ACBD6: variants seen among roughly 807,000 people sequenced by gnomAD.
ACBD6 encodes acyl-CoA binding domain containing 6.
Under a neutral mutation model 37.2 loss-of-function variants are expected in ACBD6, and 28 were observed. The ratio of observed to expected loss-of-function variants is 0.75; its 90% CI spans 0.56 to 1.03. The LOEUF (loss-of-function observed/expected upper bound fraction) is 1.03. Ranked by LOEUF, ACBD6 falls within the 50% of genes least tolerant of loss-of-function variation. The probability of loss-of-function intolerance (pLI) is 0.00; values close to 1 mark genes in which losing one functional copy is unlikely to be tolerated. For missense variants in ACBD6, 340 were observed against 337.4 expected (o/e 1.01, Z -0.06); for synonymous variants, 113 against 126.8 (o/e 0.89, Z 0.73).
chr1:180,286,874 G>GA (rs1278028856), downstream of ACBD6: 23 of 152,250 alleles, frequency 1.5e-4, no homozygotes, highest in Admixed American at 5.2e-4. Context: ...TCATGCTAAT[G>GA]AAAATCTTCT....
chr1:180,502,273 T>C lies in ACBD6; in HGVS notation c.-7A>G, dbSNP rs757866475. The C allele has an allele frequency of 5.0e-6, 8 of 1,612,188 alleles. No individual in the cohort carries two copies. The highest frequency in any genetic ancestry group is 2.5e-6 in the Non-Finnish European group (3 of 1,179,956). ...GCAGGAATGATGAAGCCATGTCTCC[T>C]TGCTCGCTCCGTCCCTCTGTGTCCG... On this transcript the variant is annotated 5_prime_UTR_variant, in exon 1 of 8. Transcript: ENST00000367595.
At chr1:180,279,681 G>C (rs754028604) in intron 9 of ACBD6, among the ~76,000 whole-genome samples, 3 of 152,050 alleles carry the variant, frequency 2.0e-5, no homozygotes, top group Non-Finnish European at 4.4e-5. Context: ...TATTTACAGA[G>C]GGACAGAAAC....
intron 7 of ACBD6, among the ~76,000 whole-genome samples, chr1:180,293,739 T>C (rs192968174): frequency 5.6e-4 from 85 of 152,178 alleles, no homozygotes; most frequent in Admixed American, 2.2e-3. Flanking sequence ...CTATTTTTTA[T>C]TTTTGTTTTT....
At chr1:180,378,045 T>C (rs1332547741) in intron 6 of ACBD6, among the ~76,000 whole-genome samples, 1 of 151,848 alleles carries the variant, frequency 6.6e-6, no homozygotes, top group African/African-American at 2.4e-5. Context: ...CCACCCCATA[T>C]TTATTAACTA....
At chr1:180,284,870 G>A (rs977431893), downstream of ACBD6, among the ~76,000 whole-genome samples, 1 of 152,104 alleles carries the variant, frequency 6.6e-6, no homozygotes, top group African/African-American at 2.4e-5. Flanking sequence ...AAGATCATGT[G>A]GCCAAGCCTG....
In ACBD6 at chr1:180,502,252, G is replaced by A. The variant is rs759769257; in HGVS notation, c.15C>T (p.Phe5=). The A allele has an allele frequency of 1.9e-6, 3 of 1,613,346 alleles. No individual in the cohort carries two copies. Among genetic ancestry groups the A allele is most frequent in the African/African-American group, 1.3e-5 (1 of 75,068 alleles). The change falls in exon 1 of 8, where the codon TTC becomes TTT. Residue 5 remains phenylalanine (F), a synonymous_variant. Coordinates refer to ENST00000367595, the MANE Select transcript of ACBD6 (RefSeq NM_032360.4). ...CGCCGGTGATGGCCCCCGCGGGCAG[G>A]AATGATGAAGCCATGTCTCCTTGCT... MASS[F]LPAGAITGDS...
intron 6 of ACBD6, among the ~76,000 whole-genome samples, chr1:180,335,265 G>A (rs1247832456): frequency 6.6e-6 from 1 of 152,132 alleles, no homozygotes; most frequent in African/African-American, 2.4e-5. Context: ...CAGAGAGAAA[G>A]GTCAGGTAAC....
chr1:180,321,291 T>C (rs996631535), intron 6 of ACBD6, among the ~76,000 whole-genome samples: 1 of 152,208 alleles, frequency 6.6e-6, no homozygotes, highest in Non-Finnish European at 1.5e-5. Flanking sequence ...TGTAGTTCCA[T>C]ATAAATTTTA....
intron 6 of ACBD6, among the ~76,000 whole-genome samples, chr1:180,381,380 T>C (rs1230539146): frequency 1.3e-5 from 2 of 152,190 alleles, no homozygotes; most frequent in Non-Finnish European, 2.9e-5. Flanking sequence ...AAGAGATATT[T>C]ACAGAACGTT....
At chr1:180,379,456 A>G (rs945590047) in intron 6 of ACBD6, among the ~76,000 whole-genome samples, 16 of 152,188 alleles carry the variant, frequency 1.1e-4, no homozygotes, top group African/African-American at 3.9e-4. Flanking sequence ...TTGATACTAA[A>G]TAAGCTCAGT....
At chr1:180,403,329 C>A (rs541161965) in intron 5 of ACBD6, among the ~76,000 whole-genome samples, 3 of 152,058 alleles carry the variant, frequency 2.0e-5, no homozygotes, top group Non-Finnish European at 4.4e-5. Context: ...TTGTGCATTT[C>A]ATTGTATATA....
At chr1:180,357,039 C>G (rs1435470635) in intron 6 of ACBD6, among the ~76,000 whole-genome samples, 1 of 152,102 alleles carries the variant, frequency 6.6e-6, no homozygotes, top group Non-Finnish European at 1.5e-5. Flanking sequence ...TCAACTAACA[C>G]CAATTTAAAA....
At chr1:180,377,288 G>A (rs1399730944) in intron 6 of ACBD6, among the ~76,000 whole-genome samples, 1 of 152,200 alleles carries the variant, frequency 6.6e-6, no homozygotes, top group Non-Finnish European at 1.5e-5. Context: ...TAGAGTATGT[G>A]TACTTGCATG....
At chr1:180,340,238 T>C (rs1571382719) in intron 6 of ACBD6, among the ~76,000 whole-genome samples, 1 of 152,062 alleles carries the variant, frequency 6.6e-6, no homozygotes, top group Admixed American at 6.6e-5. Context: ...CACTGAAGGG[T>C]TGTGAGCAGA....
intron 4 of ACBD6, among the ~76,000 whole-genome samples, chr1:180,415,793 A>G (rs553610488): frequency 6.6e-6 from 1 of 152,332 alleles, no homozygotes; most frequent in African/African-American, 2.4e-5. Context: ...AAGCAGTAAA[A>G]AAGTAAACAC....
intron 1 of ACBD6, among the ~76,000 whole-genome samples, chr1:180,499,209 T>A (rs1480408656): frequency 2.0e-5 from 3 of 152,260 alleles, no homozygotes; most frequent in African/African-American, 7.2e-5. Context: ...CGTTATTTTA[T>A]AAATTTTGAT....
chr1:180,271,444 A>G, exon 14 of ACBD6: 2 of 1,614,150 alleles, frequency 1.2e-6, no homozygotes, highest in Non-Finnish European at 1.7e-6. Context: ...TGGAGACATT[A>G]AAGAATGCAT....
chr1:180,325,352 TA>T (rs2149297098), intron 6 of ACBD6, among the ~76,000 whole-genome samples: 1 of 152,314 alleles, frequency 6.6e-6, no homozygotes, highest in African/African-American at 2.4e-5. Context: ...ATTCTGCTAT[TA>T]AGAGACTGAT....
intron 9 of ACBD6, chr1:180,275,735 A>G (rs764219495): frequency 2.0e-5 from 3 of 152,206 alleles, no homozygotes; most frequent in Non-Finnish European, 4.4e-5. Flanking sequence ...AAAATTGTCC[A>G]AAGGGTTCTA....
Sources: allele counts gnomAD v4.1 joint callset (sites outside exome capture counted in the v4.1 genomes callset), GRCh38; gene constraint gnomAD v4.1.1; transcripts MANE v1.5; gene names NCBI Gene and HGNC (gene_info 2026-07-23, HGNC 2026-07-21).